Variants in PPP1R1C observed in about 807,000 individuals in gnomAD.
PPP1R1C encodes the protein protein phosphatase 1 regulatory subunit 1C.
PPP1R1C carries 15 observed loss-of-function variants against 17.4 expected under a neutral mutation model. That is an observed-to-expected ratio of 0.86 (90% CI 0.58 to 1.33). The LOEUF is 1.33. PPP1R1C is among the 40% of genes most tolerant of loss of function. The probability of loss-of-function intolerance (pLI) is 0.00; values close to 1 mark genes in which losing one functional copy is unlikely to be tolerated. For synonymous variants in PPP1R1C, 35 were observed against 43.1 expected (o/e 0.81, Z 0.73); for missense variants, 143 against 130.0 (o/e 1.10, Z -0.48).
At chr2:182,081,919 G>A (rs1225502161) in intron 4 of PPP1R1C, among the ~76,000 whole-genome samples, 2 of 152,124 alleles carry the variant, frequency 1.3e-5, no homozygotes, top group Non-Finnish European at 2.9e-5. Context: ...AAAGCTTCAT[G>A]TGCAGAAACT....
At chr2:182,006,819 A>G (rs922928002) in intron 2 of PPP1R1C, among the ~76,000 whole-genome samples, 1 of 152,174 alleles carries the variant, frequency 6.6e-6, no homozygotes, top group Non-Finnish European at 1.5e-5. Flanking sequence ...CAAAGTGACA[A>G]TCATGGACAT....
intron 2 of PPP1R1C, 106 bp from the exon 3 acceptor site, chr2:182,061,336 A>G (rs1687843518): frequency 2.5e-6 from 2 of 813,222 alleles, no homozygotes; most frequent in East Asian, 6.4e-5. Context: ...GTTTTTGTAT[A>G]AGGCAATTAT....
At chr2:182,014,934 C>T (rs1442395734) in intron 2 of PPP1R1C, among the ~76,000 whole-genome samples, 1 of 152,078 alleles carries the variant, frequency 6.6e-6, no homozygotes, top group Non-Finnish European at 1.5e-5. Flanking sequence ...GAGTCTCTCC[C>T]TTCAGGGCAG....
chr2:182,034,172 G>A (rs1462725489), intron 2 of PPP1R1C, among the ~76,000 whole-genome samples: 2 of 152,112 alleles, frequency 1.3e-5, no homozygotes, highest in African/African-American at 4.8e-5. Flanking sequence ...TCAGAATAGA[G>A]GCAAAATCAT....
chr2:182,063,180 C>A (rs1369303952), intron 3 of PPP1R1C, among the ~76,000 whole-genome samples: 1 of 151,734 alleles, frequency 6.6e-6, no homozygotes, highest in South Asian at 2.1e-4. Context: ...TAGGAAAGGA[C>A]TTATCTTTTT....
At chr2:181,990,450 T>G (rs1685445249) in intron 2 of PPP1R1C, among the ~76,000 whole-genome samples, 1 of 152,160 alleles carries the variant, frequency 6.6e-6, no homozygotes, top group South Asian at 2.1e-4. Flanking sequence ...GCCTCCAAGC[T>G]TTATTTTCTC....
intron 2 of PPP1R1C, among the ~76,000 whole-genome samples, chr2:182,040,801 G>T (rs1054644039): frequency 6.6e-6 from 1 of 152,136 alleles, no homozygotes; most frequent in African/African-American, 2.4e-5. Flanking sequence ...TTAGATTTAA[G>T]ACTCTGATCC....
At chr2:182,109,465 T>C (rs1316610332) in intron 4 of PPP1R1C, among the ~76,000 whole-genome samples, 1 of 152,236 alleles carries the variant, frequency 6.6e-6, no homozygotes, top group Non-Finnish European at 1.5e-5. Context: ...TCTAGGAGTA[T>C]CATAAATGTG....
intron 2 of PPP1R1C, among the ~76,000 whole-genome samples, chr2:182,033,925 T>C (rs1248889056): frequency 1.3e-5 from 2 of 152,230 alleles, no homozygotes; most frequent in Non-Finnish European, 2.9e-5. Flanking sequence ...ATTCATGATA[T>C]TCTCTGTTCC....
At chr2:182,048,016 AT>A (rs1246799147) in intron 2 of PPP1R1C, among the ~76,000 whole-genome samples, 4 of 152,120 alleles carry the variant, frequency 2.6e-5, no homozygotes, top group African/African-American at 9.7e-5. Flanking sequence ...AAAATGAGCC[AT>A]TTTAGGGGGT....
At chr2:182,092,142 C>G (rs961792894) in intron 4 of PPP1R1C, among the ~76,000 whole-genome samples, 1 of 152,088 alleles carries the variant, frequency 6.6e-6, no homozygotes. Flanking sequence ...TACCTGAGAC[C>G]AGGCAATTTA....
At chr2:182,050,714 T>G (rs1687486649) in intron 2 of PPP1R1C, among the ~76,000 whole-genome samples, 1 of 152,204 alleles carries the variant, frequency 6.6e-6, no homozygotes, top group African/African-American at 2.4e-5. Flanking sequence ...TCTGTTCACC[T>G]GTCATCCACA....
At chr2:182,090,084 T>G (rs868375605) in intron 4 of PPP1R1C, among the ~76,000 whole-genome samples, 30 of 152,312 alleles carry the variant, frequency 2.0e-4, no homozygotes, top group Middle Eastern at 3.4e-3. Flanking sequence ...AGAAATAGAT[T>G]CATTTTCCTT....
chr2:182,112,442 A>C lies in PPP1R1C; in HGVS notation c.242-4765A>C, dbSNP rs1196182. 3.0e-3 allele frequency among the ~76,000 whole-genome samples: 450 copies of C among 152,262 alleles called. 3 individuals carry two copies. Among genetic ancestry groups the C allele is most frequent in the African/African-American group, 9.9e-3 (410 of 41,558 alleles). On this transcript the variant is annotated intron_variant, in intron 4 of 4. Coordinates refer to ENST00000682840, the MANE Select transcript of PPP1R1C (RefSeq NM_001080545.3). ...TTATACCGAAATCTATCCATGATGT[A>C]ATATCTTCTGATAATGAAAAGGGCC...
At chr2:181,977,973 C>G (rs750586543) in intron 2 of PPP1R1C, among the ~76,000 whole-genome samples, 12 of 152,162 alleles carry the variant, frequency 7.9e-5, no homozygotes, top group Non-Finnish European at 1.5e-4. Flanking sequence ...AAAGACCTAC[C>G]TGAGACTGGG....
chr2:181,993,250 G>T (rs1685517148), intron 2 of PPP1R1C, among the ~76,000 whole-genome samples: 1 of 152,038 alleles, frequency 6.6e-6, no homozygotes, highest in African/African-American at 2.4e-5. Flanking sequence ...CAGTATTAAG[G>T]CATCACATGC....
chr2:182,119,677 T>C (rs544405697), downstream of PPP1R1C, among the ~76,000 whole-genome samples: 1 of 152,364 alleles, frequency 6.6e-6, no homozygotes, highest in South Asian at 2.1e-4. Context: ...CATTTTTTCA[T>C]GTGTCTGTTG....
At chr2:182,089,339 G>A (rs915209419) in intron 4 of PPP1R1C, among the ~76,000 whole-genome samples, 5 of 152,182 alleles carry the variant, frequency 3.3e-5, no homozygotes, top group African/African-American at 7.2e-5. Flanking sequence ...GGAAAGGGTA[G>A]TAGAAGGAAG....
chr2:181,980,416 G>T (rs1323810845), intron 2 of PPP1R1C, among the ~76,000 whole-genome samples: 1 of 152,182 alleles, frequency 6.6e-6, no homozygotes, highest in Non-Finnish European at 1.5e-5. Flanking sequence ...TGCTGGACTT[G>T]AGCTAAAGCC....
Sources: gnomAD v4.1 joint callset for allele counts (sites outside exome capture counted in the v4.1 genomes callset) on GRCh38, gnomAD v4.1.1 for gene constraint, MANE v1.5 for transcripts, NCBI Gene and HGNC (gene_info 2026-07-23, HGNC 2026-07-21) for gene names.